Variants in MAGI2 observed in about 807,000 individuals in gnomAD.
MAGI2 encodes membrane associated guanylate kinase, WW and PDZ domain containing 2, also known as membrane-associated guanylate kinase, WW and PDZ domain-containing protein 2.
MAGI2 carries 35 observed loss-of-function variants against 133.3 expected under a neutral mutation model. The observed-to-expected ratio is 0.26, with a 90% confidence interval of 0.20 to 0.35. The LOEUF (loss-of-function observed/expected upper bound fraction) is 0.35, where lower values mean the gene tolerates loss of function less well. MAGI2 is among the 10% of genes least tolerant of loss of function. The probability of loss-of-function intolerance (pLI) is 1.00; values close to 1 mark genes in which losing one functional copy is unlikely to be tolerated. For missense variants in MAGI2, 1,636 were observed against 1,863.4 expected (o/e 0.88, Z 2.25); for synonymous variants, 729 against 710.6 (o/e 1.03, Z -0.41).
chr7:78,500,320 CAG>C (rs1794506203), intron 5 of MAGI2, among the ~76,000 whole-genome samples: 1 of 152,122 alleles, frequency 6.6e-6, no homozygotes, highest in Non-Finnish European at 1.5e-5. Flanking sequence ...CTTAAATAAT[CAG>C]AGTTTTCATA....
chr7:78,690,321 CAT>C (rs1403047739), intron 2 of MAGI2, among the ~76,000 whole-genome samples: 1 of 152,142 alleles, frequency 6.6e-6, no homozygotes, highest in African/African-American at 2.4e-5. Flanking sequence ...CACAGAGCAG[CAT>C]ATGAGTTTCC....
At chr7:78,486,795 G>A in intron 6 of MAGI2, 6 of 429,008 alleles carry the variant, frequency 1.4e-5, no homozygotes, top group South Asian at 1.1e-4. Context: ...TTCCTATCAT[G>A]TATCTTACTA....
At chr7:79,064,588 C>G (rs1022458171) in intron 1 of MAGI2, among the ~76,000 whole-genome samples, 3 of 151,974 alleles carry the variant, frequency 2.0e-5, no homozygotes, top group African/African-American at 7.2e-5. Flanking sequence ...CACATAGAAC[C>G]CTACAAGTCT....
chr7:78,091,052 A>ATGTGTGTGTGTG (rs3084764), intron 20 of MAGI2, among the ~76,000 whole-genome samples: 77 of 150,118 alleles, frequency 5.1e-4, no homozygotes, highest in East Asian at 1.6e-3. Flanking sequence ...ATGTGTGTGT[A>ATGTGTGTGTGTG]TGTGTGTGTG....
intron 21 of MAGI2, among the ~76,000 whole-genome samples, chr7:78,067,756 T>A (rs1199776014): frequency 6.6e-6 from 1 of 152,258 alleles, no homozygotes; most frequent in African/African-American, 2.4e-5. Flanking sequence ...TTTCTGATCC[T>A]GACTGAAGGT....
chr7:78,869,146 G>T (rs1794828648), intron 2 of MAGI2, among the ~76,000 whole-genome samples: 1 of 152,190 alleles, frequency 6.6e-6, no homozygotes, highest in South Asian at 2.1e-4. Flanking sequence ...TTAGTCCTTT[G>T]TCAGGTGCAT....
chr7:78,245,980 C>T (rs1791738457), intron 10 of MAGI2, among the ~76,000 whole-genome samples: 1 of 152,106 alleles, frequency 6.6e-6, no homozygotes, highest in Admixed American at 6.5e-5. Context: ...ATGGAGCCAC[C>T]CCTGTTCAGT....
chr7:78,518,400 C>T (rs555493176), intron 4 of MAGI2: 3 of 152,238 alleles, frequency 2.0e-5, no homozygotes, highest in African/African-American at 4.8e-5. Context: ...ACTCCAGTTA[C>T]TAGGCAAAGT....
intron 2 of MAGI2, among the ~76,000 whole-genome samples, chr7:78,751,204 G>A (rs1387135133): frequency 1.3e-5 from 2 of 152,200 alleles, no homozygotes; most frequent in East Asian, 1.9e-4. Flanking sequence ...TAATTTCAAG[G>A]CATCATTGTT....
intron 6 of MAGI2, among the ~76,000 whole-genome samples, chr7:78,404,294 T>C (rs541359199): frequency 6.6e-6 from 1 of 152,306 alleles, no homozygotes; most frequent in South Asian, 2.1e-4. Context: ...CCAATTACTT[T>C]CCTCACAGAA....
intron 3 of MAGI2, among the ~76,000 whole-genome samples, chr7:78,560,347 G>C (rs1199988581): frequency 6.6e-6 from 1 of 152,156 alleles, no homozygotes; most frequent in Non-Finnish European, 1.5e-5. Flanking sequence ...AGAGAGGTGA[G>C]AGTTACAGAT....
At chr7:79,110,953 G>A (rs928188848) in intron 1 of MAGI2, among the ~76,000 whole-genome samples, 1 of 152,134 alleles carries the variant, frequency 6.6e-6, no homozygotes, top group Non-Finnish European at 1.5e-5. Flanking sequence ...ACCATGTGAT[G>A]TGCTGGCTCC....
chr7:78,836,936 G>A (rs1791678109), intron 2 of MAGI2, among the ~76,000 whole-genome samples: 1 of 152,182 alleles, frequency 6.6e-6, no homozygotes, highest in South Asian at 2.1e-4. Flanking sequence ...TTACATAGGT[G>A]TCTAGGTAGT....
chr7:78,997,225 C>T (rs1416315384), intron 2 of MAGI2, among the ~76,000 whole-genome samples: 1 of 152,048 alleles, frequency 6.6e-6, no homozygotes, highest in African/African-American at 2.4e-5. Flanking sequence ...AACTTTCTTG[C>T]CTTTAAGTAG....
chr7:79,146,210 G>C (rs965256308), intron 1 of MAGI2, among the ~76,000 whole-genome samples: 1 of 152,234 alleles, frequency 6.6e-6, no homozygotes, highest in African/African-American at 2.4e-5. Flanking sequence ...TGATGTGGAA[G>C]AGGGAGAGCA....
intron 2 of MAGI2, among the ~76,000 whole-genome samples, chr7:78,872,722 C>T (rs1406456186): frequency 6.6e-6 from 1 of 151,680 alleles, no homozygotes; most frequent in Non-Finnish European, 1.5e-5. Context: ...TACCTACTTT[C>T]TACCTCTGAG....
Position 78,102,451 on chromosome 7 carries a change from A to T in MAGI2, c.3567+23243T>A, listed in dbSNP as rs538844309. On this transcript the variant is annotated intron_variant, in intron 20 of 21. Coordinates refer to ENST00000354212, the MANE Select transcript of MAGI2 (RefSeq NM_012301.4). ...CAAGGCACACTTACGTCAAAATATCATAATGTACCCCTTAAATACATATGA... is the reference window on the plus strand; with the variant it reads ...CAAGGCACACTTACGTCAAAATATCTTAATGTACCCCTTAAATACATATGA... 2.6e-5 allele frequency among the ~76,000 whole-genome samples: 4 copies of T among 152,356 alleles called. No homozygotes were observed. In the East Asian group the frequency reaches 5.8e-4, roughly 22 times the overall value.
chr7:78,795,465 C>T (rs1787528110), intron 2 of MAGI2, among the ~76,000 whole-genome samples: 1 of 151,600 alleles, frequency 6.6e-6, no homozygotes, highest in South Asian at 2.1e-4. Context: ...ATAGTAACTA[C>T]AAAAAACTAG....
At chr7:79,288,354 C>T (rs1341263074) in intron 1 of MAGI2, among the ~76,000 whole-genome samples, 1 of 152,138 alleles carries the variant, frequency 6.6e-6, no homozygotes, top group Non-Finnish European at 1.5e-5. Flanking sequence ...AGGTCTAGGT[C>T]ATTGTCTATT....
Sources: allele counts gnomAD v4.1 joint callset (sites outside exome capture counted in the v4.1 genomes callset), GRCh38; gene constraint gnomAD v4.1.1; transcripts MANE v1.5; gene names NCBI Gene and HGNC (gene_info 2026-07-23, HGNC 2026-07-21).